The following MTA1 variants were observed in gnomAD, a reference collection of about 807,000 sequenced individuals.
The protein encoded by MTA1 is metastasis-associated protein MTA1.
In MTA1, 15 loss-of-function variants were observed where a neutral mutation model predicts 97.0. That is an observed-to-expected ratio of 0.15 (90% CI 0.10 to 0.24). The LOEUF is 0.24. MTA1 is among the 10% of genes least tolerant of loss of function. The pLI is 1.00. For missense variants in MTA1, 709 were observed against 1,015.1 expected (o/e 0.70, Z 4.10); for synonymous variants, 435 against 417.5 (o/e 1.04, Z -0.51).
chr14:105,430,032 C>G (rs1301729177), intron 1 of MTA1, among the ~76,000 whole-genome samples: 1 of 152,162 alleles, frequency 6.6e-6, no homozygotes, highest in Non-Finnish European at 1.5e-5. Flanking sequence ...GCTGGGAATA[C>G]AGGTGTGAGC....
At position 105,424,785 on chromosome 14, in the gene MTA1, G is replaced by A. The variant is rs1049828278; in HGVS notation, c.28+4722G>A. On this transcript the variant is annotated intron_variant, in intron 1 of 20. Coordinates refer to ENST00000331320, the MANE Select transcript of MTA1 (RefSeq NM_004689.4). This position sits in a 1 kb window ranked among gnomAD's most constrained non-coding sequence, Gnocchi z 4.0. ...TGCTGGGATTACAGGCGTGAGCCAC[G>A]GTGCCTGGCCCCATATTGTTCTGAG... Among the ~76,000 whole-genome samples the A allele has an allele frequency of 3.3e-5, 5 of 152,174 alleles. No homozygotes were observed. The highest frequency in any genetic ancestry group is 4.8e-5 in the African/African-American group (2 of 41,444).
rs781807205 is a variant in MTA1 at position 105,463,286 on chromosome 14, G to T, written c.1017+28G>T. The stretch of plus-strand genomic sequence containing the variant: ...GAGCCCGCCCGCCACTCAGTGCCCG[G>T]GGTGTGCCGCCTCCCCGTCCTGCGC... On this transcript the variant is annotated intron_variant, in intron 11 of 20. Transcript: ENST00000331320. This position sits in a 1 kb window ranked among gnomAD's most constrained non-coding sequence, Gnocchi z 5.9. The T allele has an allele frequency of 6.2e-7, 1 of 1,610,166 alleles. No homozygotes were observed. The highest frequency in any genetic ancestry group is 1.7e-5 in the Admixed American group (1 of 59,970).
intron 1 of MTA1, among the ~76,000 whole-genome samples, chr14:105,425,566 C>A (rs1215921223): frequency 6.6e-6 from 1 of 152,196 alleles, no homozygotes; most frequent in African/African-American, 2.4e-5. Context: ...AGGCTGTGAA[C>A]TACCATGCCC....
rs114784386 is a variant in MTA1, at chr14:105,438,815, A to T, written c.96+76A>T. On this transcript the variant is annotated intron_variant, in intron 2 of 20. Coordinates refer to ENST00000331320, the MANE Select transcript of MTA1 (RefSeq NM_004689.4). ...GCCAGCTCCTGCCCTGTGGGTGGCC[A>T]GTGTGGGTGGCCCCCTTTCGGGGCT... 270 of 1,509,570 alleles carry T rather than the reference A, an allele frequency of 1.8e-4. 1 individual carries two copies. The African/African-American group carries it at 3.4e-3, about 19-fold the overall frequency. 93.5% of individuals were successfully genotyped at this position (1,509,570 alleles called of 1,614,324 possible). A position where few individuals can be genotyped will look rare whatever the true frequency, so the allele number is the denominator to read the frequency against.
chr14:105,456,793 C>G (rs1033832319), intron 7 of MTA1, among the ~76,000 whole-genome samples: 1 of 152,198 alleles, frequency 6.6e-6, no homozygotes, highest in Non-Finnish European at 1.5e-5. Context: ...ACCCCTGAGC[C>G]AGGTGAGGAG....
At chr14:105,427,921 G>C (rs1288372707) in intron 1 of MTA1, among the ~76,000 whole-genome samples, 1 of 143,026 alleles carries the variant, frequency 7.0e-6, no homozygotes, top group East Asian at 2.0e-4. Flanking sequence ...GGGAGGCCGA[G>C]GCATGAGAAT....
At chr14:105,461,284 C>G (rs1250172195) in intron 10 of MTA1, among the ~76,000 whole-genome samples, 2 of 152,202 alleles carry the variant, frequency 1.3e-5, no homozygotes, top group African/African-American at 4.8e-5. Context: ...CTTGCTGCCC[C>G]CTCCAGCCCC....
chr14:105,428,423 C>T (rs1463437865), intron 1 of MTA1, among the ~76,000 whole-genome samples: 6 of 151,982 alleles, frequency 3.9e-5, no homozygotes, highest in South Asian at 4.1e-4. Context: ...CCTGAACAGC[C>T]GGGACCACAG....
rs1555431495 is a variant in MTA1 at position 105,463,300 on chromosome 14, C to T, written c.1017+42C>T. The stretch of plus-strand genomic sequence containing the variant: ...CTCAGTGCCCGGGGTGTGCCGCCTC[C>T]CCGTCCTGCGCCCCATCCTCTCCCA... On this transcript the variant is annotated intron_variant, in intron 11 of 20. Coordinates refer to ENST00000331320, the MANE Select transcript of MTA1 (RefSeq NM_004689.4). This position sits in a 1 kb window ranked among gnomAD's most constrained non-coding sequence, Gnocchi z 5.9. 1 of 1,604,484 alleles carries T rather than the reference C, an allele frequency of 6.2e-7. No homozygotes were observed. Among genetic ancestry groups the T allele is most frequent in the Admixed American group, 1.7e-5 (1 of 59,964 alleles).
intron 2 of MTA1, among the ~76,000 whole-genome samples, chr14:105,439,309 G>A (rs1244872838): frequency 6.6e-6 from 1 of 150,996 alleles, no homozygotes; most frequent in Non-Finnish European, 1.5e-5. Flanking sequence ...CACCTGGTTT[G>A]TGTCTGCCAT....
At chr14:105,427,060 C>T (rs1555422428) in intron 1 of MTA1, among the ~76,000 whole-genome samples, 1 of 152,222 alleles carries the variant, frequency 6.6e-6, no homozygotes, top group African/African-American at 2.4e-5. Flanking sequence ...GGACCACGGG[C>T]ACCGCCCTGC....
chr14:105,425,648 C>T (rs906410901), intron 1 of MTA1, among the ~76,000 whole-genome samples: 6 of 151,988 alleles, frequency 3.9e-5, no homozygotes, highest in African/African-American at 7.3e-5. Context: ...CTGGGGCTCT[C>T]GTGTTGCTGG....
rs1555433939 is a variant in MTA1 at position 105,469,901 on chromosome 14, C to CG, written c.1913dup (p.Ser639LeufsTer18). 2.5e-6 allele frequency: 4 copies of CG among 1,611,360 alleles called. No individual in the cohort carries two copies. Among genetic ancestry groups the CG allele is most frequent in the Non-Finnish European group, 8.5e-7 (1 of 1,179,420 alleles). On this transcript the variant is annotated frameshift_variant, in exon 20 of 21. Coordinates refer to ENST00000331320, the MANE Select transcript of MTA1 (RefSeq NM_004689.4). LOFTEE classifies it high-confidence loss of function. ...CTACCCCACCAAAGTGCGCCTGATC[C>CG]GGGGGGGCTCCCTGCCCCCAGTCAA...
At chr14:105,428,423 C>G (rs1463437865) in intron 1 of MTA1, among the ~76,000 whole-genome samples, 1 of 151,982 alleles carries the variant, frequency 6.6e-6, no homozygotes, top group Non-Finnish European at 1.5e-5. Flanking sequence ...CCTGAACAGC[C>G]GGGACCACAG....
Position 105,469,951 on chromosome 14 carries a change from C to T in MTA1, c.1956C>T (p.Asp652=), listed in dbSNP as rs149260021. 6.3e-4 allele frequency: 1,017 copies of T among 1,612,424 alleles called. 2 individuals carry two copies. The highest frequency in any genetic ancestry group is 2.9e-3 in the Admixed American group (174 of 59,988). ...AGCGGCGGCGGATGAACTGGATCGA[C>T]GCCCCGGATGACGTGTTCTACATGG... ...PVKRRRMNWI[D]APDDVFYMAT... Residue 652 remains aspartate (D), a synonymous_variant, in exon 20 of 21, where the codon GAC becomes GAT. Transcript: ENST00000331320.
intron 15 of MTA1, 64 bp from the exon 16 acceptor site, chr14:105,465,030 C>G: frequency 6.9e-7 from 1 of 1,446,254 alleles, no homozygotes. Context: ...CAGGTCAAGG[C>G]GCAGGCAGGG....
chr14:105,430,069 C>T (rs1401056409), intron 1 of MTA1, among the ~76,000 whole-genome samples: 2 of 152,128 alleles, frequency 1.3e-5, no homozygotes, highest in African/African-American at 2.4e-5. Flanking sequence ...CTTTTAGTTT[C>T]TTTCAGGAAC....
rs7492892 is a variant in MTA1, at chr14:105,458,225, C to T, written c.551-45C>T. 32,360 of 1,554,798 alleles carry T rather than the reference C, an allele frequency of 0.021. 5,715 individuals carry two copies. The African/African-American group carries it at 0.38, about 18-fold the overall frequency. ...CGGGGAGGAGAGGCGCGGCCCGGCG[C>T]GCCGTGGGACCCCGTCTCAGAAAGG... On this transcript the variant is annotated intron_variant, in intron 7 of 20. Transcript: ENST00000331320.
At chr14:105,445,883 T>C in intron 3 of MTA1, 1 of 359,474 alleles carries the variant, frequency 2.8e-6, no homozygotes, top group South Asian at 2.2e-5. Context: ...CTTGCCAATG[T>C]CTCTCTCTTT....
Sources: allele counts gnomAD v4.1 joint callset (sites outside exome capture counted in the v4.1 genomes callset), GRCh38; gene constraint gnomAD v4.1.1; non-coding constraint Gnocchi (gnomAD v3.1); transcripts MANE v1.5; gene names NCBI Gene and HGNC (gene_info 2026-07-23, HGNC 2026-07-21).